PEMT: variants seen among roughly 807,000 people sequenced by gnomAD.
PEMT encodes phosphatidylethanolamine N-methyltransferase.
A neutral mutation model predicts 27.4 loss-of-function variants in PEMT; 23 were observed. The ratio of observed to expected loss-of-function variants is 0.84; its 90% CI spans 0.60 to 1.19. The LOEUF (loss-of-function observed/expected upper bound fraction) is 1.19. Among genes scored for constraint, PEMT ranks in the 50% most tolerant of loss-of-function variants. The pLI is 0.00. For missense variants in PEMT, 307 were observed against 310.1 expected (o/e 0.99, Z 0.07); for synonymous variants, 137 against 139.1 (o/e 0.98, Z 0.11).
intron 1 of PEMT, among the ~76,000 whole-genome samples, chr17:17,583,641 G>C (rs988128563): frequency 6.6e-6 from 1 of 152,186 alleles, no homozygotes; most frequent in Non-Finnish European, 1.5e-5. Context: ...GCCACCTGAG[G>C]TTACCTTCTG....
rs865874610 is a variant in PEMT, at chr17:17,556,386, T to A, written c.204+20534A>T. 2.6e-3 allele frequency among the ~76,000 whole-genome samples: 402 copies of A among 152,140 alleles called. 1 individual carries two copies. Among genetic ancestry groups the A allele is most frequent in the African/African-American group, 9.0e-3 (374 of 41,516 alleles). The stretch of plus-strand genomic sequence containing the variant: ...CTGCTCTCTCTCTCTCACTTTTTTT[T>A]TTTTTTAGACGGAGTCTCGCTCTGT... On this transcript the variant is annotated intron_variant, in intron 2 of 6. Transcript: ENST00000255389.
intron 2 of PEMT, among the ~76,000 whole-genome samples, chr17:17,543,752 A>G (rs1441318667): frequency 4.6e-5 from 7 of 152,180 alleles, no homozygotes; most frequent in Non-Finnish European, 7.4e-5. Context: ...CAGCAGGGAC[A>G]GGGTTTCACC....
At chr17:17,525,063 C>T (rs879874308) in intron 2 of PEMT, among the ~76,000 whole-genome samples, 12 of 152,154 alleles carry the variant, frequency 7.9e-5, no homozygotes, top group Non-Finnish European at 1.6e-4. Flanking sequence ...GCCGAGATCG[C>T]GCCACTGCAC....
chr17:17,531,897 C>T (rs990190670), intron 2 of PEMT, among the ~76,000 whole-genome samples: 2 of 152,130 alleles, frequency 1.3e-5, no homozygotes, highest in Admixed American at 6.5e-5. Flanking sequence ...ACTTTTAAAG[C>T]TTCTTCTCTT....
chr17:17,578,969 A>G (rs1375523753), intron 1 of PEMT, among the ~76,000 whole-genome samples: 1 of 152,244 alleles, frequency 6.6e-6, no homozygotes, highest in East Asian at 1.9e-4. Flanking sequence ...AATAAAAAAA[A>G]TAAGTGTAAA....
chr17:17,508,866 G>T, intron 5 of PEMT: 1 of 398,842 alleles, frequency 2.5e-6, no homozygotes, highest in Non-Finnish European at 5.1e-6. Context: ...AGGGAGTTCT[G>T]TCAGCTGCGG....
chr17:17,570,949 G>T (rs1345483149), intron 2 of PEMT: 10 of 982,594 alleles, frequency 1.0e-5, no homozygotes, highest in Non-Finnish European at 1.2e-5. Context: ...AGAACATTGG[G>T]GAGGTCTTGG....
chr17:17,511,136 C>A (rs1309349242), intron 4 of PEMT, among the ~76,000 whole-genome samples: 1 of 152,196 alleles, frequency 6.6e-6, no homozygotes, highest in Non-Finnish European at 1.5e-5. Context: ...ACCGACAGCA[C>A]CTGTGCGGCC....
At chr17:17,507,356 CA>C (rs887422684) in intron 5 of PEMT, 1 of 657,704 alleles carries the variant, frequency 1.5e-6, no homozygotes. Context: ...CCAGCCAAAC[CA>C]TCACAAGAAC....
Position 17,506,689 on chromosome 17 carries a change from C to T in PEMT, c.579-388G>A, listed in dbSNP as rs1263819453. On this transcript the variant is annotated intron_variant, in intron 5 of 6. Transcript: ENST00000255389. The stretch of plus-strand genomic sequence containing the variant: ...AGGAGATTCTGGGGCAAAGTGCTCC[C>T]GTCTCCCAGAAACCATGCTCTGAGG... 3.3e-5 allele frequency among the ~76,000 whole-genome samples: 5 copies of T among 152,206 alleles called. No individual in the cohort carries two copies. The East Asian group carries it at 5.8e-4, about 18-fold the overall frequency.
chr17:17,534,093 A>T (rs1323227064), intron 2 of PEMT, among the ~76,000 whole-genome samples: 3 of 152,134 alleles, frequency 2.0e-5, no homozygotes, highest in Non-Finnish European at 4.4e-5. Flanking sequence ...TTCCACTCCT[A>T]GTATTTACTT....
chr17:17,511,312 G>A (rs893879634), intron 4 of PEMT, among the ~76,000 whole-genome samples: 8 of 152,140 alleles, frequency 5.3e-5, no homozygotes, highest in African/African-American at 1.2e-4. Context: ...TCCCTACAGC[G>A]TCTGCCTGAG....
intron 2 of PEMT, among the ~76,000 whole-genome samples, chr17:17,546,864 T>G (rs1909297020): frequency 6.6e-6 from 1 of 152,226 alleles, no homozygotes; most frequent in African/African-American, 2.4e-5. Flanking sequence ...CAAAGCAAAG[T>G]TGGTTCATTT....
At chr17:17,536,793 G>A (rs971746988) in intron 2 of PEMT, among the ~76,000 whole-genome samples, 3 of 152,234 alleles carry the variant, frequency 2.0e-5, no homozygotes, top group Non-Finnish European at 2.9e-5. Flanking sequence ...CATTGGCCCC[G>A]TGGGACCTGG....
At chr17:17,565,934 G>C (rs1910797736) in intron 2 of PEMT, among the ~76,000 whole-genome samples, 1 of 152,242 alleles carries the variant, frequency 6.6e-6, no homozygotes, top group Admixed American at 6.5e-5. Flanking sequence ...CAGCCAGGCA[G>C]CTCCCGCAGC....
At chr17:17,570,588 A>G (rs1911124682) in intron 2 of PEMT, 1 of 985,302 alleles carries the variant, frequency 1.0e-6, no homozygotes, top group Non-Finnish European at 1.2e-6. Context: ...GCGGTAACAA[A>G]GGTCTGTGGG....
At chr17:17,522,163 C>T (rs1184059029) in intron 3 of PEMT, 117 bp downstream of exon 3, 13 of 726,746 alleles carry the variant, frequency 1.8e-5, no homozygotes, top group Non-Finnish European at 2.8e-5. Flanking sequence ...GCTTTGAGAG[C>T]TAACCCCTGA....
intron 5 of PEMT, 124 bp downstream of exon 5, chr17:17,509,310 C>A: frequency 1.5e-6 from 1 of 659,096 alleles, no homozygotes; most frequent in African/African-American, 1.8e-5. Flanking sequence ...CGCCTAGGCC[C>A]CCACAAATGA....
At chr17:17,570,607 C>A in intron 2 of PEMT, 1 of 985,420 alleles carries the variant, frequency 1.0e-6, no homozygotes, top group Non-Finnish European at 1.2e-6. Context: ...GGCAGCCTTG[C>A]ACAAGAGAAG....
Sources: allele counts gnomAD v4.1 joint callset (sites outside exome capture counted in the v4.1 genomes callset), GRCh38; gene constraint gnomAD v4.1.1; transcripts MANE v1.5; gene names NCBI Gene and HGNC (gene_info 2026-07-23, HGNC 2026-07-21).